The following ACOXL variants were observed in gnomAD, a reference collection of about 807,000 sequenced individuals.
ACOXL encodes the protein acyl-coenzyme A oxidase-like protein.
ACOXL carries 70 observed loss-of-function variants against 71.9 expected under a neutral mutation model. The observed-to-expected ratio is 0.97, with a 90% confidence interval of 0.80 to 1.19. The LOEUF (loss-of-function observed/expected upper bound fraction) is 1.19. ACOXL is among the 50% of genes most tolerant of loss of function. The probability of loss-of-function intolerance (pLI) is 0.00; values close to 1 mark genes in which losing one functional copy is unlikely to be tolerated. For missense variants in ACOXL, 703 were observed against 736.3 expected (o/e 0.95, Z 0.52); for synonymous variants, 253 against 281.6 (o/e 0.90, Z 1.02).
At chr2:110,965,105 A>G (rs1380930982) in intron 12 of ACOXL, among the ~76,000 whole-genome samples, 2 of 152,112 alleles carry the variant, frequency 1.3e-5, no homozygotes, top group Non-Finnish European at 2.9e-5. Flanking sequence ...GACTTATTTC[A>G]CTTAACATAA....
chr2:111,044,785 C>T (rs1021716120), intron 15 of ACOXL, among the ~76,000 whole-genome samples: 3 of 152,196 alleles, frequency 2.0e-5, no homozygotes, highest in Admixed American at 1.3e-4. Flanking sequence ...ACAGCAATGA[C>T]TGCAGGGGAT....
chr2:111,048,206 A>C (rs1004828568), intron 15 of ACOXL, among the ~76,000 whole-genome samples: 2 of 152,174 alleles, frequency 1.3e-5, no homozygotes, highest in African/African-American at 4.8e-5. Flanking sequence ...AGGGCAATCA[A>C]TGTCTTTATT....
intron 11 of ACOXL, among the ~76,000 whole-genome samples, chr2:110,916,981 AAG>A (rs1488052733): frequency 6.6e-6 from 1 of 152,214 alleles, no homozygotes; most frequent in Non-Finnish European, 1.5e-5. Context: ...CAGAGGTACA[AAG>A]AGGCGCTGGT....
chr2:110,815,410 C>G (rs1318011909), intron 9 of ACOXL, among the ~76,000 whole-genome samples: 2 of 152,122 alleles, frequency 1.3e-5, no homozygotes, highest in South Asian at 2.1e-4. Context: ...TCATATTCTC[C>G]TTTGTTAATT....
At chr2:110,888,153 A>C (rs13416355) in intron 10 of ACOXL, 47,385 of 151,994 alleles carry the variant, frequency 0.31, 7,750 homozygotes, top group Middle Eastern at 0.38. Context: ...TGGCTCAAGG[A>C]AGACCCAAAC....
chr2:110,933,626 A>T lies in ACOXL; in HGVS notation c.1043A>T (p.Glu348Val). ...ATCCGCTGCCTGCAGGACTGCCGCGAGTGCACTGGAGGCATGGTGAGCCCC... is the reference window on the plus strand; with the variant it reads ...ATCCGCTGCCTGCAGGACTGCCGCGTGTGCACTGGAGGCATGGTGAGCCCC... ...ENIRCLQDCR[E>V]CTGGMVVGRE... The change falls in exon 12 of 18, where the codon GAG becomes GTG. Residue 348 changes from glutamate (E) to valine (V), a missense_variant. Physicochemically the swap from Glu to Val is moderately radical, Grantham distance 121. Coordinates refer to ENST00000439055, the MANE Select transcript of ACOXL (RefSeq NM_001142807.4). 6.2e-7 allele frequency: 1 copy of T among 1,611,698 alleles called. No individual in the cohort carries two copies. Among genetic ancestry groups the T allele is most frequent in the Non-Finnish European group, 8.5e-7 (1 of 1,179,318 alleles).
intron 14 of ACOXL, among the ~76,000 whole-genome samples, chr2:111,029,286 G>A (rs1344971557): frequency 6.6e-6 from 1 of 152,206 alleles, no homozygotes; most frequent in African/African-American, 2.4e-5. Context: ...TAAGATGAGA[G>A]AGTTGATTTC....
In ACOXL at chr2:110,794,175, G is replaced by A; in HGVS notation, c.345+1G>A. On this transcript the variant is annotated splice_donor_variant, in intron 5 of 17. Transcript: ENST00000439055. LOFTEE classifies it high-confidence loss of function. ...AGCCACCTTTGACCTCTCTGCCCAG[G>A]TGAGGAATCCATCCTTCTCCTGCCG... 1 of 1,614,108 alleles carries A rather than the reference G, an allele frequency of 6.2e-7. No individual in the cohort carries two copies. The highest frequency in any genetic ancestry group is 8.5e-7 in the Non-Finnish European group (1 of 1,179,964).
intron 14 of ACOXL, 31 bp from the exon 15 acceptor site, chr2:111,031,596 A>T: frequency 6.3e-7 from 1 of 1,593,492 alleles, no homozygotes; most frequent in Non-Finnish European, 8.6e-7. Context: ...CAATATCCTC[A>T]ATGGTGATTT....
At chr2:110,977,316 G>A (rs1296578014) in intron 12 of ACOXL, among the ~76,000 whole-genome samples, 1 of 151,534 alleles carries the variant, frequency 6.6e-6, no homozygotes, top group African/African-American at 2.4e-5. Context: ...AACCCGGGAG[G>A]CAGAGCTTGC....
At chr2:110,830,465 T>C (rs968151522) in intron 9 of ACOXL, among the ~76,000 whole-genome samples, 2 of 152,142 alleles carry the variant, frequency 1.3e-5, no homozygotes, top group Non-Finnish European at 2.9e-5. Context: ...TCATACTTCA[T>C]AGAAAACTTC....
rs563741570 is a variant in ACOXL, at chr2:110,881,884, A to G, written c.789-26905A>G. On this transcript the variant is annotated intron_variant, in intron 10 of 17. Coordinates refer to ENST00000439055, the MANE Select transcript of ACOXL (RefSeq NM_001142807.4). ...GTTAGTTTACCCCTTTACCTGAGGG[A>G]CATTGGGTTTTTTTTTTATTGGGGA... Among the ~76,000 whole-genome samples the G allele has an allele frequency of 2.8e-5, 4 of 140,622 alleles. No individual in the cohort carries two copies. The East Asian group carries it at 8.2e-4, about 29-fold the overall frequency. The allele number at this position is 140,622 out of a possible 152,430, so 92.3% of individuals were successfully genotyped here.
At chr2:110,848,906 A>T (rs1377489275) in intron 10 of ACOXL, among the ~76,000 whole-genome samples, 1 of 152,210 alleles carries the variant, frequency 6.6e-6, no homozygotes, top group Non-Finnish European at 1.5e-5. Flanking sequence ...CCTGACCTTT[A>T]GCACGGGATT....
chr2:110,864,623 C>G (rs17041589), intron 10 of ACOXL, among the ~76,000 whole-genome samples: 1 of 152,240 alleles, frequency 6.6e-6, no homozygotes, highest in Non-Finnish European at 1.5e-5. Context: ...CCAAGGAGAC[C>G]AAATGCTCCC....
intron 13 of ACOXL, among the ~76,000 whole-genome samples, chr2:110,990,131 T>G (rs2063112497): frequency 6.6e-6 from 1 of 152,196 alleles, no homozygotes. Context: ...CTGCTGAAAG[T>G]TTCTTTGAAA....
rs571746155 is a variant in ACOXL, at chr2:110,969,311, A to G, written c.1060-17797A>G. On this transcript the variant is annotated intron_variant, in intron 12 of 17. Coordinates refer to ENST00000439055, the MANE Select transcript of ACOXL (RefSeq NM_001142807.4). ...GTAGAAACCAAACATAAGAAAGGAA[A>G]TAATAAAGTTAAGATTATACATTAA... Among the ~76,000 whole-genome samples, 120 of 152,326 alleles carry G rather than the reference A, an allele frequency of 7.9e-4. 1 individual carries two copies. The highest frequency in any genetic ancestry group is 2.8e-3 in the African/African-American group (115 of 41,578).
At chr2:111,010,492 TTGGAG>T (rs2064097871) in intron 14 of ACOXL, among the ~76,000 whole-genome samples, 1 of 151,984 alleles carries the variant, frequency 6.6e-6, no homozygotes, top group South Asian at 2.1e-4. Context: ...ATATATGTAA[TTGGAG>T]TCTAAGAAGG....
Position 110,830,834 on chromosome 2 carries a change from G to C in ACOXL, c.754-10537G>C, listed in dbSNP as rs1173932386. Among the ~76,000 whole-genome samples the C allele has an allele frequency of 3.3e-5, 5 of 151,920 alleles. No homozygotes were observed. In the East Asian group the frequency reaches 7.7e-4, roughly 23 times the overall value. ...AGGCGTGAGCCACCGCGCCTGGCCT[G>C]GTACAAATTTGTATTGGTAAAAACT... On this transcript the variant is annotated intron_variant, in intron 9 of 17. Transcript: ENST00000439055.
chr2:111,056,589 C>A (rs1440996089), intron 16 of ACOXL, among the ~76,000 whole-genome samples: 1 of 151,878 alleles, frequency 6.6e-6, no homozygotes, highest in Admixed American at 6.6e-5. Flanking sequence ...GAGATAGAGA[C>A]CATCCTGGCT....
Sources: allele counts gnomAD v4.1 joint callset (sites outside exome capture counted in the v4.1 genomes callset), GRCh38; gene constraint gnomAD v4.1.1; transcripts MANE v1.5; gene names NCBI Gene and HGNC (gene_info 2026-07-23, HGNC 2026-07-21).